The following KCNIP4 variants were observed in gnomAD, a reference collection of about 807,000 sequenced individuals.
KCNIP4 encodes potassium voltage-gated channel interacting protein 4, also known as Kv channel-interacting protein 4.
KCNIP4 carries 12 observed loss-of-function variants against 34.0 expected under a neutral mutation model. That is an observed-to-expected ratio of 0.35 (90% CI 0.23 to 0.57). The LOEUF (loss-of-function observed/expected upper bound fraction) is 0.57, where lower values mean the gene tolerates loss of function less well. Ranked by LOEUF, KCNIP4 falls within the 20% of genes least tolerant of loss-of-function variation. The pLI is 0.83. For missense variants in KCNIP4, 238 were observed against 311.7 expected, an observed-to-expected ratio of 0.76 and a Z score of 1.78; for synonymous variants, 124 against 102.2, an observed-to-expected ratio of 1.21 and a Z score of -1.29.
chr4:20,918,516 G>A (rs1226072665), intron 1 of KCNIP4, among the ~76,000 whole-genome samples: 1 of 152,062 alleles, frequency 6.6e-6, no homozygotes, highest in East Asian at 1.9e-4. Context: ...AGAAGATGAA[G>A]AGTACTCCAT....
At chr4:21,447,542 TG>T (rs1227919743) in intron 1 of KCNIP4, among the ~76,000 whole-genome samples, 1 of 152,186 alleles carries the variant, frequency 6.6e-6, no homozygotes, top group African/African-American at 2.4e-5. Flanking sequence ...AGCCCCCTAG[TG>T]GATGCCTGAA....
chr4:21,928,108 C>CTATATA (rs144162392), intron 1 of KCNIP4, among the ~76,000 whole-genome samples: 8,938 of 142,376 alleles, frequency 0.063, 377 homozygotes, highest in Non-Finnish European at 0.086. Flanking sequence ...CCAGATTAGA[C>CTATATA]TATATATATA....
intron 1 of KCNIP4, among the ~76,000 whole-genome samples, chr4:21,590,121 T>C (rs1742073540): frequency 6.6e-6 from 1 of 151,944 alleles, no homozygotes; most frequent in South Asian, 2.1e-4. Flanking sequence ...AAAAAGTATA[T>C]TAAAGGATTA....
intron 1 of KCNIP4, among the ~76,000 whole-genome samples, chr4:21,034,738 T>C (rs143030986): frequency 6.6e-6 from 1 of 152,192 alleles, no homozygotes; most frequent in East Asian, 1.9e-4. Context: ...GGGAAAAGAG[T>C]TACTGAATTA....
chr4:21,939,285 T>C (rs1053289674), intron 1 of KCNIP4, among the ~76,000 whole-genome samples: 2 of 152,190 alleles, frequency 1.3e-5, no homozygotes, highest in African/African-American at 4.8e-5. Context: ...TAACTTTAAC[T>C]AGAGGACTTA....
At chr4:21,583,898 T>G (rs1025769780) in intron 1 of KCNIP4, among the ~76,000 whole-genome samples, 1 of 152,080 alleles carries the variant, frequency 6.6e-6, no homozygotes, top group South Asian at 2.1e-4. Flanking sequence ...ATAAGATTTT[T>G]TGTGTGTGGT....
chr4:20,891,898 A>G lies in KCNIP4; in HGVS notation c.62-9189T>C, dbSNP rs75599059. 7.2e-5 allele frequency among the ~76,000 whole-genome samples: 11 copies of G among 152,304 alleles called. No homozygotes were observed. In the East Asian group the frequency reaches 2.1e-3, roughly 30 times the overall value. ...CTTACAGTTCATAAATACTAGCATG[A>G]CTACACAAACAAACACATACACTCA... is the stretch of plus-strand genomic sequence containing the variant. On this transcript the variant is annotated intron_variant, in intron 1 of 8. Transcript: ENST00000382152.
At chr4:21,426,844 T>C (rs1725970768) in intron 1 of KCNIP4, among the ~76,000 whole-genome samples, 2 of 152,306 alleles carry the variant, frequency 1.3e-5, no homozygotes, top group South Asian at 4.1e-4. Flanking sequence ...ACTTAACTTC[T>C]GTAAAATCCA....
At chr4:21,655,042 T>A (rs1457800050) in intron 1 of KCNIP4, among the ~76,000 whole-genome samples, 1 of 152,156 alleles carries the variant, frequency 6.6e-6, no homozygotes, top group South Asian at 2.1e-4. Flanking sequence ...TTGATGCTAC[T>A]TCCTAAATGT....
At chr4:21,305,146 T>A (rs1193439994) in intron 1 of KCNIP4, among the ~76,000 whole-genome samples, 1 of 152,150 alleles carries the variant, frequency 6.6e-6, no homozygotes, top group Non-Finnish European at 1.5e-5. Context: ...AAGTCTCCTA[T>A]TTCATAGATG....
intron 1 of KCNIP4, among the ~76,000 whole-genome samples, chr4:21,794,830 G>A (rs1205504202): frequency 1.3e-5 from 2 of 152,140 alleles, no homozygotes; most frequent in Non-Finnish European, 2.9e-5. Flanking sequence ...AGTGAGCTGA[G>A]ATCATGCCAC....
At chr4:21,869,089 T>C (rs1288722580) in intron 1 of KCNIP4, among the ~76,000 whole-genome samples, 4 of 152,112 alleles carry the variant, frequency 2.6e-5, no homozygotes, top group African/African-American at 7.2e-5. Flanking sequence ...TTCTTTAATA[T>C]CCAAGCAACT....
chr4:21,832,804 T>C (rs1279102302), intron 1 of KCNIP4, among the ~76,000 whole-genome samples: 3 of 143,736 alleles, frequency 2.1e-5, no homozygotes, highest in Non-Finnish European at 3.0e-5. Flanking sequence ...TGGGTTCTCA[T>C]TGTTCAATTC....
At chr4:21,886,166 CTTA>C (rs1051682453) in intron 1 of KCNIP4, among the ~76,000 whole-genome samples, 7 of 152,014 alleles carry the variant, frequency 4.6e-5, no homozygotes, top group Admixed American at 4.6e-4. Flanking sequence ...TTTACTGAAA[CTTA>C]TTATGATTTT....
chr4:21,848,378 A>G (rs567412574), intron 1 of KCNIP4: 1 of 152,202 alleles, frequency 6.6e-6, no homozygotes, highest in African/African-American at 2.4e-5. Context: ...TCCGTCGCTC[A>G]CCCAGCTGTG....
chr4:21,306,852 C>T (rs561458382), intron 1 of KCNIP4, among the ~76,000 whole-genome samples: 23 of 151,344 alleles, frequency 1.5e-4, no homozygotes, highest in African/African-American at 5.3e-4. Context: ...TGGTGTTTCA[C>T]TCTTGTTGCC....
chr4:21,723,687 C>G (rs1714990450), intron 1 of KCNIP4, among the ~76,000 whole-genome samples: 4 of 152,094 alleles, frequency 2.6e-5, no homozygotes, highest in Admixed American at 2.6e-4. Flanking sequence ...CATACACATA[C>G]ACATAATCTA....
At chr4:20,840,145 A>G (rs2149470074) in intron 3 of KCNIP4, among the ~76,000 whole-genome samples, 1 of 152,266 alleles carries the variant, frequency 6.6e-6, no homozygotes, top group African/African-American at 2.4e-5. Flanking sequence ...TGCTATCACA[A>G]TGACTCATTG....
At chr4:21,842,186 T>C (rs1271254193) in intron 1 of KCNIP4, among the ~76,000 whole-genome samples, 1 of 152,152 alleles carries the variant, frequency 6.6e-6, no homozygotes, top group Non-Finnish European at 1.5e-5. Context: ...GTAATAACCA[T>C]AATATGCAGA....
Sources: gnomAD v4.1 joint callset for allele counts (sites outside exome capture counted in the v4.1 genomes callset) on GRCh38, gnomAD v4.1.1 for gene constraint, MANE v1.5 for transcripts, NCBI Gene and HGNC (gene_info 2026-07-23, HGNC 2026-07-21) for gene names.